SGCD: variants seen among roughly 807,000 people sequenced by gnomAD.
The protein encoded by SGCD is delta-sarcoglycan.
SGCD carries 18 observed loss-of-function variants against 36.6 expected under a neutral mutation model. That is an observed-to-expected ratio of 0.49 (90% CI 0.34 to 0.73). The LOEUF (loss-of-function observed/expected upper bound fraction) is 0.73, where lower values mean the gene tolerates loss of function less well. SGCD is among the 30% of genes least tolerant of loss of function. The probability of loss-of-function intolerance (pLI) is 0.01; values close to 1 mark genes in which losing one functional copy is unlikely to be tolerated. For synonymous variants in SGCD, 133 were observed against 130.6 expected, an observed-to-expected ratio of 1.02 and a Z score of -0.12; for missense variants, 387 against 346.7, an observed-to-expected ratio of 1.12 and a Z score of -0.92.
intron 3 of SGCD, among the ~76,000 whole-genome samples, chr5:156,506,399 T>TTCCG (rs1756695757): frequency 6.6e-6 from 1 of 151,878 alleles, no homozygotes; most frequent in Admixed American, 6.6e-5. Context: ...TATTTTCCAG[T>TTCCG]TCCGTCCGCA....
chr5:156,432,434 CAGT>C (rs1753064803), intron 3 of SGCD, among the ~76,000 whole-genome samples: 1 of 152,174 alleles, frequency 6.6e-6, no homozygotes, highest in Non-Finnish European at 1.5e-5. Flanking sequence ...GCACCAGGTA[CAGT>C]AGTAGCAGTG....
chr5:156,282,286 C>T (rs959525997), intron 3 of SGCD, among the ~76,000 whole-genome samples: 5 of 152,152 alleles, frequency 3.3e-5, no homozygotes. Flanking sequence ...TACACTTTAA[C>T]TTGCTCATCC....
At chr5:156,453,276 A>G (rs1161250476) in intron 3 of SGCD, among the ~76,000 whole-genome samples, 3 of 152,032 alleles carry the variant, frequency 2.0e-5, no homozygotes, top group Non-Finnish European at 4.4e-5. Context: ...AGTGTAGAGC[A>G]AATGGACAAT....
intron 2 of SGCD, among the ~76,000 whole-genome samples, chr5:156,333,026 T>A (rs1221716529): frequency 6.6e-6 from 1 of 152,232 alleles, no homozygotes; most frequent in Admixed American, 6.5e-5. Context: ...TGCATGCTGT[T>A]TAGCTATTTT....
intron 6 of SGCD, among the ~76,000 whole-genome samples, chr5:156,605,590 T>C (rs1761403994): frequency 6.6e-6 from 1 of 152,212 alleles, no homozygotes; most frequent in Non-Finnish European, 1.5e-5. Context: ...GGTCAAATGA[T>C]ATTTCTAATT....
intron 1 of SGCD, among the ~76,000 whole-genome samples, chr5:156,031,994 A>C (rs1759357672): frequency 6.6e-6 from 1 of 152,230 alleles, no homozygotes; most frequent in African/African-American, 2.4e-5. Context: ...AGATAATCAT[A>C]AAAATAAACT....
In SGCD at chr5:156,575,400, T is replaced by G. The variant is rs141870394; in HGVS notation, c.295-13831T>G. 1.2e-3 allele frequency among the ~76,000 whole-genome samples: 189 copies of G among 152,300 alleles called. 1 individual carries two copies. Among genetic ancestry groups the G allele is most frequent in the African/African-American group, 4.2e-3 (174 of 41,564 alleles). On this transcript the variant is annotated intron_variant, in intron 4 of 8. Coordinates refer to ENST00000337851, the MANE Select transcript of SGCD (RefSeq NM_000337.6). ...TTTTCTTCATCACAGGTCTTAAACTTACAGCTTAGACTACACATTCCACTG... is the reference window on the plus strand; with the variant it reads ...TTTTCTTCATCACAGGTCTTAAACTGACAGCTTAGACTACACATTCCACTG...
chr5:156,636,795 C>A (rs1245188498), intron 6 of SGCD, among the ~76,000 whole-genome samples: 1 of 152,094 alleles, frequency 6.6e-6, no homozygotes. Context: ...AAATTTTGGT[C>A]AACTGGCTTA....
intron 1 of SGCD, among the ~76,000 whole-genome samples, chr5:155,923,868 T>A (rs192910431): frequency 6.6e-6 from 1 of 152,342 alleles, no homozygotes; most frequent in East Asian, 1.9e-4. Flanking sequence ...AAAACACATT[T>A]GTGATATTTG....
At chr5:156,638,634 T>A (rs186216607) in intron 6 of SGCD, among the ~76,000 whole-genome samples, 41 of 152,324 alleles carry the variant, frequency 2.7e-4, no homozygotes, top group Admixed American at 9.2e-4. Context: ...CTGTGCAGTT[T>A]TATTTACTAT....
chr5:156,714,176 A>G (rs1343046583), intron 7 of SGCD, among the ~76,000 whole-genome samples: 1 of 152,160 alleles, frequency 6.6e-6, no homozygotes, highest in African/African-American at 2.4e-5. Context: ...AGCAGTAAGA[A>G]ATTGGAGTCA....
intron 1 of SGCD, among the ~76,000 whole-genome samples, chr5:156,090,138 G>T (rs1323716203): frequency 6.6e-6 from 1 of 152,132 alleles, no homozygotes; most frequent in Non-Finnish European, 1.5e-5. Flanking sequence ...GTGCATGATG[G>T]AGGCCTGGGT....
At chr5:156,539,288 G>C (rs1170166436) in intron 4 of SGCD, among the ~76,000 whole-genome samples, 1 of 151,824 alleles carries the variant, frequency 6.6e-6, no homozygotes, top group East Asian at 1.9e-4. Context: ...ATAGTTTTGG[G>C]AGTACAGGTG....
At chr5:155,895,565 C>T (rs568832370) in intron 1 of SGCD, among the ~76,000 whole-genome samples, 3 of 152,238 alleles carry the variant, frequency 2.0e-5, no homozygotes, top group African/African-American at 4.8e-5. Flanking sequence ...TCACAAATGT[C>T]CTGGTGGTAA....
In SGCD at chr5:156,479,695, A is replaced by G. The variant is rs1442544790; in HGVS notation, c.193-28906A>G. 3.9e-5 allele frequency among the ~76,000 whole-genome samples: 6 copies of G among 152,306 alleles called. No individual in the cohort carries two copies. The East Asian group carries it at 9.6e-4, about 24-fold the overall frequency. ...TGAAGAGTAGAAGAAAGAAGATACA[A>G]ATGCACTTAGGAAACAGGCCTGGCT... On this transcript the variant is annotated intron_variant, in intron 3 of 8. Coordinates refer to ENST00000337851, the MANE Select transcript of SGCD (RefSeq NM_000337.6).
chr5:155,884,193 C>T lies in SGCD; in HGVS notation c.-282+13769C>T, dbSNP rs1003029476. Among the ~76,000 whole-genome samples, 47 of 152,162 alleles carry T rather than the reference C, an allele frequency of 3.1e-4. 1 individual carries two copies. Among genetic ancestry groups the T allele is most frequent in the Middle Eastern group, 3.2e-3 (1 of 316 alleles). ...TCCTTTACCGAGGTGATTCACAGCT[C>T]TCTTGTGCGAGATGAGGGAGCTTAC... On this transcript the variant is annotated intron_variant, in intron 1 of 9. Coordinates refer to the SGCD transcript ENST00000517913.
chr5:156,486,080 T>C (rs1755644598), intron 3 of SGCD, among the ~76,000 whole-genome samples: 1 of 152,108 alleles, frequency 6.6e-6, no homozygotes, highest in African/African-American at 2.4e-5. Flanking sequence ...TGTAGCATGA[T>C]GCCATTTTGA....
intron 3 of SGCD, among the ~76,000 whole-genome samples, chr5:156,205,836 G>A (rs900137332): frequency 6.6e-6 from 1 of 151,674 alleles, no homozygotes; most frequent in Non-Finnish European, 1.5e-5. Flanking sequence ...TGGGATTCTC[G>A]TCGTCCTAGC....
intron 6 of SGCD, among the ~76,000 whole-genome samples, chr5:156,646,145 C>T (rs1317072645): frequency 1.3e-5 from 2 of 152,096 alleles, no homozygotes; most frequent in Non-Finnish European, 2.9e-5. Flanking sequence ...CTGGCCAAAG[C>T]CCAGCAAGAA....
Sources: allele counts gnomAD v4.1 joint callset (sites outside exome capture counted in the v4.1 genomes callset), GRCh38; gene constraint gnomAD v4.1.1; transcripts MANE v1.5; gene names NCBI Gene and HGNC (gene_info 2026-07-23, HGNC 2026-07-21).